Variants in KIAA1549 observed in about 807,000 individuals in gnomAD.
KIAA1549 encodes the protein UPF0606 protein KIAA1549.
KIAA1549 carries 70 observed loss-of-function variants against 156.4 expected under a neutral mutation model. The observed-to-expected ratio is 0.45, with a 90% confidence interval of 0.37 to 0.55. The LOEUF is 0.55. KIAA1549 is among the 20% of genes least tolerant of loss of function. The pLI, the probability that KIAA1549 is intolerant of heterozygous loss-of-function variation, is 0.00. For missense variants in KIAA1549, 2,428 were observed against 2,540.9 expected, an observed-to-expected ratio of 0.96 and a Z score of 0.96; for synonymous variants, 1,103 against 1,066.4, an observed-to-expected ratio of 1.03 and a Z score of -0.67.
At chr7:138,889,529 G>A (rs888272396) in intron 10 of KIAA1549, among the ~76,000 whole-genome samples, 1 of 152,148 alleles carries the variant, frequency 6.6e-6, no homozygotes, top group East Asian at 1.9e-4. Context: ...AACAAGATGC[G>A]ACACAGGGTC....
intron 18 of KIAA1549, among the ~76,000 whole-genome samples, chr7:138,844,013 C>A (rs954197111): frequency 2.0e-5 from 3 of 152,188 alleles, no homozygotes; most frequent in Admixed American, 2.0e-4. Context: ...TGTTTTCATG[C>A]CATCCAAAGT....
chr7:138,964,831 A>C (rs1415547314), intron 1 of KIAA1549, among the ~76,000 whole-genome samples: 1 of 152,254 alleles, frequency 6.6e-6, no homozygotes, highest in Non-Finnish European at 1.5e-5. Flanking sequence ...ATATGCATCA[A>C]AATTTAATAT....
intron 1 of KIAA1549, among the ~76,000 whole-genome samples, chr7:138,963,428 G>C (rs1016040381): frequency 9.2e-5 from 14 of 152,174 alleles, no homozygotes; most frequent in African/African-American, 3.4e-4. Flanking sequence ...TTTCCTCTCG[G>C]GGAACTGAAC....
At chr7:138,913,427 A>G (rs968678491) in intron 2 of KIAA1549, among the ~76,000 whole-genome samples, 1 of 152,222 alleles carries the variant, frequency 6.6e-6, no homozygotes, top group African/African-American at 2.4e-5. Context: ...AAAAATCTAT[A>G]CTAATAAGTA....
intron 10 of KIAA1549, among the ~76,000 whole-genome samples, chr7:138,889,238 C>T (rs1197278877): frequency 2.0e-5 from 3 of 152,140 alleles, no homozygotes; most frequent in Admixed American, 1.3e-4. Flanking sequence ...AAGTCAACAA[C>T]GTAAAAATAC....
chr7:138,889,343 A>AC (rs1811487349), intron 10 of KIAA1549, among the ~76,000 whole-genome samples: 1 of 152,242 alleles, frequency 6.6e-6, no homozygotes, highest in African/African-American at 2.4e-5. Context: ...GTAGGAAAGA[A>AC]ACATGACAGT....
chr7:138,917,662 A>G lies in KIAA1549; in HGVS notation c.1964T>C (p.Leu655Ser). Residue 655 changes from leucine (L) to serine (S), a missense_variant, in exon 2 of 20, where the codon TTG becomes TCG. By Grantham distance (145) the Leu-to-Ser change is moderately radical. Transcript: ENST00000422774. ...AAAAGACTGAGATGTGAAGGGGGAC[A>G]AGTCACTCGGCATCAGAGACAGAGA... ...PASLSLMPSD[L>S]SPFTSQSFSP... is the part of the protein sequence containing the mutation. 1 of 1,612,860 alleles carries G rather than the reference A, an allele frequency of 6.2e-7. No homozygotes were observed. The highest frequency in any genetic ancestry group is 8.5e-7 in the Non-Finnish European group (1 of 1,179,364).
chr7:138,930,169 C>T (rs190681651), intron 1 of KIAA1549, among the ~76,000 whole-genome samples: 398 of 152,252 alleles, frequency 2.6e-3, no homozygotes, highest in African/African-American at 4.2e-3. Context: ...TTGTTCTGAG[C>T]GGTAGGTCTC....
Position 138,981,225 on chromosome 7 carries a change from C to G in KIAA1549, c.45G>C (p.Gly15=), listed in dbSNP as rs1192143767. Residue 15 remains glycine (G), a synonymous_variant, in exon 1 of 20, where the codon GGG becomes GGC. Transcript: ENST00000422774. This position sits in a 1 kb window ranked among gnomAD's most constrained non-coding sequence, Gnocchi z 4.5. ...RRRRRGAAME[G]KPRAGVALAP... ...CCAGCGCGACCCCGGCGCGGGGCTT[C>G]CCCTCCATGGCCGCGCCTCGGCGTC... is the stretch of plus-strand genomic sequence containing the variant. 3 of 1,000,768 alleles carry G rather than the reference C, an allele frequency of 3.0e-6. No individual in the cohort carries two copies. The highest frequency in any genetic ancestry group is 3.6e-6 in the Non-Finnish European group (3 of 841,770). The allele number at this position is 1,000,768 out of a possible 1,614,324, so 62.0% of individuals were successfully genotyped here.
intron 18 of KIAA1549, 39 bp downstream of exon 18, chr7:138,844,277 TC>T: frequency 6.2e-7 from 1 of 1,612,018 alleles, no homozygotes; most frequent in Non-Finnish European, 8.5e-7. Context: ...CAAGTAAATG[TC>T]CCGTAGCTCA....
intron 10 of KIAA1549, among the ~76,000 whole-genome samples, chr7:138,887,840 G>C (rs143163480): frequency 6.6e-6 from 1 of 152,214 alleles, no homozygotes; most frequent in Non-Finnish European, 1.5e-5. Flanking sequence ...TGTGAACTTA[G>C]ATATTCTGTA....
intron 1 of KIAA1549, among the ~76,000 whole-genome samples, chr7:138,920,617 G>A (rs1328290753): frequency 5.9e-5 from 9 of 152,154 alleles, no homozygotes; most frequent in African/African-American, 2.2e-4. Flanking sequence ...CCTCTCCACC[G>A]ATAATTCAGG....
intron 1 of KIAA1549, among the ~76,000 whole-genome samples, chr7:138,965,796 T>C (rs60665143): frequency 0.049 from 7,470 of 152,288 alleles, 635 homozygotes; most frequent in African/African-American, 0.17. Context: ...TTTTTGCTTT[T>C]TAATTTATAC....
chr7:138,926,444 CA>C (rs1197586164), intron 1 of KIAA1549, among the ~76,000 whole-genome samples: 3 of 152,064 alleles, frequency 2.0e-5, no homozygotes, highest in Admixed American at 1.3e-4. Context: ...ACCACCACAC[CA>C]AACCACTTTT....
intron 2 of KIAA1549, 44 bp from the exon 3 acceptor site, chr7:138,912,504 T>C (rs753380028): frequency 4.7e-6 from 7 of 1,499,162 alleles, no homozygotes; most frequent in South Asian, 2.3e-5. Flanking sequence ...CATGTCATTA[T>C]GAATAACAAA....
chr7:138,912,151 A>C (rs1463194704), intron 3 of KIAA1549, among the ~76,000 whole-genome samples: 3 of 152,138 alleles, frequency 2.0e-5, no homozygotes, highest in Non-Finnish European at 4.4e-5. Context: ...ACATCCCCTA[A>C]AGGACTAACC....
At chr7:138,963,326 A>G (rs1247701440) in intron 1 of KIAA1549, among the ~76,000 whole-genome samples, 1 of 152,244 alleles carries the variant, frequency 6.6e-6, no homozygotes, top group Admixed American at 6.5e-5. Flanking sequence ...GGCAGAAGTC[A>G]CATGCGGAAA....
In KIAA1549 at chr7:138,981,340, C is replaced by T. The variant is rs1411169181; in HGVS notation, c.-71G>A. On this transcript the variant is annotated 5_prime_UTR_variant, in exon 1 of 20. Transcript: ENST00000422774. The surrounding 1 kb of genome is among the most constrained non-coding windows in gnomAD (Gnocchi z 4.5). ...GGTCCGGGAGGGGCGGCCGCTGCGGCTGCGGCTGGGACGGGGCGCCGCGCA... is the reference window on the plus strand; with the variant it reads ...GGTCCGGGAGGGGCGGCCGCTGCGGTTGCGGCTGGGACGGGGCGCCGCGCA... The T allele has an allele frequency of 1.5e-6, 1 of 646,834 alleles. No homozygotes were observed. The highest frequency in any genetic ancestry group is 1.9e-6 in the Non-Finnish European group (1 of 523,678). 40.1% of individuals were successfully genotyped at this position (646,834 alleles called of 1,614,324 possible).
intron 10 of KIAA1549, among the ~76,000 whole-genome samples, chr7:138,891,575 A>G (rs975400023): frequency 2.6e-5 from 4 of 152,214 alleles, no homozygotes; most frequent in Non-Finnish European, 4.4e-5. Flanking sequence ...CCCTCCTATC[A>G]TATTTCAAAA....
Sources: gnomAD v4.1 joint callset for allele counts (sites outside exome capture counted in the v4.1 genomes callset) on GRCh38, gnomAD v4.1.1 for gene constraint, Gnocchi (gnomAD v3.1) non-coding constraint, MANE v1.5 for transcripts, NCBI Gene and HGNC (gene_info 2026-07-23, HGNC 2026-07-21) for gene names.